SORCS2: variants seen among roughly 807,000 people sequenced by gnomAD.
SORCS2 encodes sortilin related VPS10 domain containing receptor 2, also known as VPS10 domain-containing receptor SorCS2.
A neutral mutation model predicts 141.6 loss-of-function variants in SORCS2; 100 were observed. The ratio of observed to expected loss-of-function variants is 0.71; its 90% CI spans 0.60 to 0.83. SORCS2 has a LOEUF of 0.83. Among genes scored for constraint, SORCS2 ranks in the 40% least tolerant of loss-of-function variants. The pLI is 0.00. For missense variants in SORCS2, 1,646 were observed against 1,560.2 expected (o/e 1.05, Z -0.93); for synonymous variants, 789 against 676.9 (o/e 1.17, Z -2.57).
chr4:7,633,667 A>T (rs1487362709), intron 3 of SORCS2, among the ~76,000 whole-genome samples: 1 of 152,214 alleles, frequency 6.6e-6, no homozygotes, highest in Admixed American at 6.5e-5. Context: ...TTTGCTCTCC[A>T]GGCTACTTAA....
intron 3 of SORCS2, among the ~76,000 whole-genome samples, chr4:7,591,868 G>A (rs1213507266): frequency 6.6e-6 from 1 of 152,174 alleles, no homozygotes; most frequent in East Asian, 1.9e-4. Context: ...CGGTGTTTGT[G>A]CTTATCTGGG....
rs115696793 is a variant in SORCS2, at chr4:7,736,782, G to A, written c.3312-287G>A. On this transcript the variant is annotated intron_variant, in intron 25 of 26. Transcript: ENST00000507866. ...TGCCCTCTCCCCACCACATGCCCAC[G>A]CTTCGATTCTCAGGGGAGATGACAG... 8.3e-3 allele frequency among the ~76,000 whole-genome samples: 1,264 copies of A among 152,282 alleles called. 8 individuals are homozygous for A. The highest frequency in any genetic ancestry group is 0.013 in the Non-Finnish European group (889 of 68,026).
intron 1 of SORCS2, among the ~76,000 whole-genome samples, chr4:7,222,833 G>A (rs1165465977): frequency 3.3e-5 from 5 of 152,166 alleles, no homozygotes; most frequent in Non-Finnish European, 5.9e-5. Context: ...GTGGTCATGG[G>A]GCTGGCCTGG....
At chr4:7,219,081 A>G (rs1728545181) in intron 1 of SORCS2, among the ~76,000 whole-genome samples, 2 of 151,850 alleles carry the variant, frequency 1.3e-5, no homozygotes, top group South Asian at 4.2e-4. Flanking sequence ...GGGGACCACT[A>G]TGTCTTTCTT....
chr4:7,711,474 C>T (rs1424035342), intron 14 of SORCS2, among the ~76,000 whole-genome samples: 1 of 152,210 alleles, frequency 6.6e-6, no homozygotes, highest in Admixed American at 6.5e-5. Flanking sequence ...GACCCAGATG[C>T]TTGGCCTCTG....
chr4:7,379,053 G>A (rs1016391683), intron 1 of SORCS2, among the ~76,000 whole-genome samples: 24 of 152,280 alleles, frequency 1.6e-4, no homozygotes, highest in East Asian at 9.6e-4. Context: ...CGCTGATCAC[G>A]CACATCTAAA....
chr4:7,458,790 C>T (rs752053404), intron 2 of SORCS2, among the ~76,000 whole-genome samples: 4 of 151,960 alleles, frequency 2.6e-5, no homozygotes, highest in East Asian at 1.9e-4. Flanking sequence ...GGCACCATAG[C>T]GGGAGCAGTG....
intron 3 of SORCS2, among the ~76,000 whole-genome samples, chr4:7,625,405 T>C (rs907930231): frequency 6.6e-5 from 10 of 151,950 alleles, no homozygotes; most frequent in African/African-American, 2.4e-4. Context: ...GACAAGAACA[T>C]CTCCCACATG....
chr4:7,593,988 G>A (rs536406849), intron 3 of SORCS2, among the ~76,000 whole-genome samples: 5 of 152,264 alleles, frequency 3.3e-5, no homozygotes, highest in Admixed American at 1.3e-4. Context: ...CCACTGGGAG[G>A]CCATTTTTAG....
At chr4:7,733,512 G>A in intron 24 of SORCS2, 91 bp downstream of exon 24, 1 of 1,051,264 alleles carries the variant, frequency 9.5e-7, no homozygotes, top group East Asian at 2.7e-5. Context: ...CGGGCAGATG[G>A]CCCGTATCCC....
intron 3 of SORCS2, among the ~76,000 whole-genome samples, chr4:7,622,523 C>G (rs1472286364): frequency 6.6e-6 from 1 of 152,228 alleles, no homozygotes; most frequent in African/African-American, 2.4e-5. Context: ...CTGCGTCCTG[C>G]TTCCAGGCAT....
chr4:7,547,584 C>T (rs144887058), intron 3 of SORCS2, among the ~76,000 whole-genome samples: 2,355 of 152,352 alleles, frequency 0.015, 31 homozygotes, highest in Middle Eastern at 0.024. Context: ...CCACCTTCCC[C>T]ACCCCATTCT....
intron 2 of SORCS2, among the ~76,000 whole-genome samples, chr4:7,512,047 GGT>G (rs1379737884): frequency 1.3e-5 from 2 of 152,172 alleles, no homozygotes; most frequent in Non-Finnish European, 2.9e-5. Flanking sequence ...ACAGCACACT[GGT>G]GCCTTTAGAA....
intron 2 of SORCS2, among the ~76,000 whole-genome samples, chr4:7,458,697 G>A (rs1729083122): frequency 6.6e-6 from 1 of 152,194 alleles, no homozygotes; most frequent in South Asian, 2.1e-4. Context: ...GGAGACTCAG[G>A]TGACCGAGAC....
At chr4:7,262,564 A>T (rs901989949) in intron 1 of SORCS2, among the ~76,000 whole-genome samples, 1 of 152,242 alleles carries the variant, frequency 6.6e-6, no homozygotes, top group Non-Finnish European at 1.5e-5. Flanking sequence ...AACAAATATG[A>T]TTCCCAGGTA....
chr4:7,605,613 C>T (rs1040265823), intron 3 of SORCS2, among the ~76,000 whole-genome samples: 5 of 152,202 alleles, frequency 3.3e-5, no homozygotes, highest in African/African-American at 7.2e-5. Context: ...TTCCCTATTG[C>T]TCCCTTCCCA....
At chr4:7,437,599 G>A (rs190506740) in intron 2 of SORCS2, among the ~76,000 whole-genome samples, 1 of 152,314 alleles carries the variant, frequency 6.6e-6, no homozygotes, top group African/African-American at 2.4e-5. Context: ...CACCTCATTA[G>A]CATAAACTCA....
At chr4:7,633,514 C>T (rs1720032051) in intron 3 of SORCS2, among the ~76,000 whole-genome samples, 1 of 152,224 alleles carries the variant, frequency 6.6e-6, no homozygotes, top group South Asian at 2.1e-4. Flanking sequence ...CTCTTCTGTG[C>T]TCCAGCGGAG....
At chr4:7,487,508 G>A (rs11737430) in intron 2 of SORCS2, among the ~76,000 whole-genome samples, 17,682 of 152,222 alleles carry the variant, frequency 0.12, 1,313 homozygotes, top group East Asian at 0.25. Flanking sequence ...AAATTGTAAG[G>A]AAAAATATGA....
Sources: gnomAD v4.1 joint callset for allele counts (sites outside exome capture counted in the v4.1 genomes callset) on GRCh38, gnomAD v4.1.1 for gene constraint, MANE v1.5 for transcripts, NCBI Gene and HGNC (gene_info 2026-07-23, HGNC 2026-07-21) for gene names.